Variants in LINC00305 observed in about 807,000 individuals in gnomAD.
LINC00305 encodes the protein long intergenic non-protein coding RNA 305.
chr18:64,134,118 T>A (rs1004640709), intron 1 of LINC00305, among the ~76,000 whole-genome samples: 2 of 152,164 alleles, frequency 1.3e-5, no homozygotes, highest in African/African-American at 4.8e-5. Flanking sequence ...GGAAGATTAG[T>A]TCAATATAAA....
chr18:64,116,137 C>T (rs780695246), intron 1 of LINC00305, among the ~76,000 whole-genome samples: 3 of 152,140 alleles, frequency 2.0e-5, no homozygotes, highest in Non-Finnish European at 4.4e-5. Flanking sequence ...TAAAGTCTTC[C>T]TTGCCTATGT....
chr18:64,111,712 C>T (rs1383977706), intron 1 of LINC00305, among the ~76,000 whole-genome samples: 1 of 152,152 alleles, frequency 6.6e-6, no homozygotes, highest in African/African-American at 2.4e-5. Context: ...TCCCTGCTCT[C>T]TCTGGATGGC....
chr18:64,094,567 G>A, intron 3 of LINC00305, among the ~76,000 whole-genome samples: 1 of 152,046 alleles, frequency 6.6e-6, no homozygotes, highest in Non-Finnish European at 1.5e-5. Context: ...GCCTTCCCTT[G>A]GTAAAGCAGA....
Position 64,140,605 on chromosome 18 carries a change from G to C in LINC00305, n.314+8170C>G, listed in dbSNP as rs192889620. Among the ~76,000 whole-genome samples, 8 of 152,274 alleles carry C rather than the reference G, an allele frequency of 5.3e-5. No individual in the cohort carries two copies. The South Asian group carries it at 1.7e-3, about 32-fold the overall frequency. On this transcript the variant is annotated intron_variant and non_coding_transcript_variant, in intron 1 of 3. Coordinates refer to ENST00000666468, the Ensembl canonical transcript of LINC00305. ...TAAAATGAACGCTCCTTGAGGACAA[G>C]AGCTTTGTTTTGTTGACTTCTTGAT...
chr18:64,131,439 C>G (rs2051409444), intron 1 of LINC00305, among the ~76,000 whole-genome samples: 1 of 152,116 alleles, frequency 6.6e-6, no homozygotes, highest in African/African-American at 2.4e-5. Context: ...AAAGCTAAAT[C>G]TACATAGGAA....
intron 1 of LINC00305, chr18:64,098,655 A>G (rs1175433131): frequency 2.3e-6 from 1 of 426,798 alleles, no homozygotes; most frequent in Admixed American, 2.9e-5. Flanking sequence ...AAGTGAAAAA[A>G]GAAAATAAAT....
chr18:64,105,673 GGTGC>G (rs2051287441), intron 1 of LINC00305, among the ~76,000 whole-genome samples: 2 of 152,044 alleles, frequency 1.3e-5, no homozygotes, highest in Admixed American at 6.5e-5. Flanking sequence ...GGGTGGCAAT[GGTGC>G]ACTTATCCCC....
intron 3 of LINC00305, among the ~76,000 whole-genome samples, chr18:64,094,864 T>A (rs993681724): frequency 5.3e-5 from 8 of 149,714 alleles, no homozygotes; most frequent in African/African-American, 2.0e-4. Flanking sequence ...AAAAAATAAA[T>A]AAATAAATAA....
At chr18:64,114,175 C>T (rs1310401629) in intron 1 of LINC00305, among the ~76,000 whole-genome samples, 1 of 152,138 alleles carries the variant, frequency 6.6e-6, no homozygotes, top group East Asian at 1.9e-4. Flanking sequence ...GAGGCTGAGG[C>T]AGGAGAATGG....
chr18:64,138,323 C>A (rs2051444743), intron 1 of LINC00305, among the ~76,000 whole-genome samples: 1 of 152,144 alleles, frequency 6.6e-6, no homozygotes, highest in Non-Finnish European at 1.5e-5. Flanking sequence ...TGTCTGCCTA[C>A]TATTATTTGA....
chr18:64,112,332 G>A (rs1248175206), intron 1 of LINC00305, among the ~76,000 whole-genome samples: 4 of 117,850 alleles, frequency 3.4e-5, no homozygotes, highest in African/African-American at 1.2e-4. Flanking sequence ...TTTGCACATT[G>A]CTCAAAAAAA....
chr18:64,082,430 T>C (rs1305476514), intron 3 of LINC00305, among the ~76,000 whole-genome samples: 2 of 152,210 alleles, frequency 1.3e-5, no homozygotes, highest in Admixed American at 6.5e-5. Flanking sequence ...GGGGGGAGAC[T>C]GATTTGAGTA....
chr18:64,112,643 T>C (rs1360232462), intron 1 of LINC00305, among the ~76,000 whole-genome samples: 1 of 152,208 alleles, frequency 6.6e-6, no homozygotes, highest in Non-Finnish European at 1.5e-5. Context: ...CTATTAATTC[T>C]TTCATTTCCC....
At chr18:64,118,860 G>A (rs1384524501) in intron 1 of LINC00305, among the ~76,000 whole-genome samples, 1 of 143,294 alleles carries the variant, frequency 7.0e-6, no homozygotes, top group Non-Finnish European at 1.6e-5. Flanking sequence ...GTGTGTGTGT[G>A]TGTGTGTACA....
intron 1 of LINC00305, among the ~76,000 whole-genome samples, chr18:64,104,865 G>A (rs2051282992): frequency 6.6e-6 from 1 of 151,804 alleles, no homozygotes; most frequent in Non-Finnish European, 1.5e-5. Context: ...CTGCATCCTG[G>A]GACCCGGAGG....
intron 1 of LINC00305, among the ~76,000 whole-genome samples, chr18:64,106,344 G>A (rs1314597513): frequency 1.3e-5 from 2 of 152,066 alleles, no homozygotes; most frequent in Non-Finnish European, 2.9e-5. Flanking sequence ...TTGTGCCTAC[G>A]CTCTGGCTTT....
chr18:64,110,971 A>T (rs900640015), intron 1 of LINC00305, among the ~76,000 whole-genome samples: 4 of 152,174 alleles, frequency 2.6e-5, no homozygotes, highest in African/African-American at 9.7e-5. Context: ...GTTTTTCTAC[A>T]TCCTGATTAG....
chr18:64,110,199 T>C (rs1208846298), intron 1 of LINC00305, among the ~76,000 whole-genome samples: 1 of 152,206 alleles, frequency 6.6e-6, no homozygotes, highest in Non-Finnish European at 1.5e-5. Flanking sequence ...CAGAAGACTT[T>C]GTATGAATAA....
chr18:64,133,240 A>G (rs1466986886), intron 1 of LINC00305, among the ~76,000 whole-genome samples: 1 of 152,184 alleles, frequency 6.6e-6, no homozygotes, highest in African/African-American at 2.4e-5. Context: ...CAATGTAAGG[A>G]ACAGAGAAGA....
Sources: allele counts gnomAD v4.1 joint callset (sites outside exome capture counted in the v4.1 genomes callset), GRCh38; gene constraint gnomAD v4.1.1; transcripts MANE v1.5; gene names NCBI Gene and HGNC (gene_info 2026-07-23, HGNC 2026-07-21).